SLC9C1: variants seen among roughly 807,000 people sequenced by gnomAD.
SLC9C1 encodes the protein solute carrier family 9 member C1, also known as sodium/hydrogen exchanger 10.
A neutral mutation model predicts 140.9 loss-of-function variants in SLC9C1; 97 were observed. The ratio of observed to expected loss-of-function variants is 0.69; its 90% CI spans 0.58 to 0.82. SLC9C1 has a LOEUF of 0.82. Among genes scored for constraint, SLC9C1 ranks in the 40% least tolerant of loss-of-function variants. The pLI, the probability that SLC9C1 is intolerant of heterozygous loss-of-function variation, is 0.00. For synonymous variants in SLC9C1, 440 were observed against 442.6 expected (o/e 0.99, Z 0.07); for missense variants, 1,340 against 1,389.3 (o/e 0.96, Z 0.56).
chr3:112,165,588 A>G (rs1013210031), intron 26 of SLC9C1, among the ~76,000 whole-genome samples: 1 of 152,160 alleles, frequency 6.6e-6, no homozygotes, highest in South Asian at 2.1e-4. Context: ...AACAGCGGAT[A>G]TTGGTGAACA....
chr3:112,201,775 TCTTTA>T (rs1229353580), intron 18 of SLC9C1, among the ~76,000 whole-genome samples: 1 of 152,072 alleles, frequency 6.6e-6, no homozygotes, highest in Non-Finnish European at 1.5e-5. Context: ...ATTATTGTTT[TCTTTA>T]CTTCTTTCTA....
At chr3:112,160,071 T>A (rs952969938) in intron 26 of SLC9C1, among the ~76,000 whole-genome samples, 1 of 151,898 alleles carries the variant, frequency 6.6e-6, no homozygotes, top group Non-Finnish European at 1.5e-5. Flanking sequence ...TCATTGTTAC[T>A]ACTAATAGGT....
At chr3:112,236,500 C>T (rs1395652388) in intron 12 of SLC9C1, among the ~76,000 whole-genome samples, 1 of 152,076 alleles carries the variant, frequency 6.6e-6, no homozygotes, top group Non-Finnish European at 1.5e-5. Context: ...TTATTTCTTG[C>T]CTTCTGCTAG....
intron 8 of SLC9C1, among the ~76,000 whole-genome samples, chr3:112,264,867 A>T (rs1407872702): frequency 6.6e-6 from 1 of 152,016 alleles, no homozygotes; most frequent in African/African-American, 2.4e-5. Context: ...GTGGGTGGTT[A>T]AAGAGGAGTG....
At chr3:112,183,349 C>CTTTTTTTATTTTTTTT (rs2077474776) in intron 20 of SLC9C1, among the ~76,000 whole-genome samples, 1 of 95,404 alleles carries the variant, frequency 1.0e-5, no homozygotes, top group African/African-American at 4.9e-5. Flanking sequence ...AGCACCTTTT[C>CTTTTTTTATTTTTTTT]TTTTTTTTTT....
chr3:112,264,426 TG>T, intron 8 of SLC9C1, 83 bp from the exon 9 acceptor site: 7 of 808,146 alleles, frequency 8.7e-6, no homozygotes, highest in Non-Finnish European at 1.2e-5. Context: ...TGTGAATCAT[TG>T]TGCTAATGAT....
chr3:112,208,916 G>T (rs187620969), intron 15 of SLC9C1, among the ~76,000 whole-genome samples: 231 of 152,240 alleles, frequency 1.5e-3, no homozygotes, highest in Non-Finnish European at 2.7e-3. Context: ...AGCCTAGGAT[G>T]CATGGTGGTG....
At position 112,155,583 on chromosome 3, in the gene SLC9C1, A is replaced by G. The variant is rs535370585; in HGVS notation, c.3365-534T>C. 3.3e-5 allele frequency among the ~76,000 whole-genome samples: 5 copies of G among 152,286 alleles called. No homozygotes were observed. In the East Asian group the frequency reaches 9.7e-4, roughly 29 times the overall value. ...TGGAGAAAAAGCTGAGATTTCAAGG[A>G]TAAGGAGTTAGCTCCATGAAATGAG... On this transcript the variant is annotated intron_variant, in intron 26 of 28. Transcript: ENST00000305815.
chr3:112,291,276 T>C (rs2080674338), intron 1 of SLC9C1, among the ~76,000 whole-genome samples: 1 of 152,106 alleles, frequency 6.6e-6, no homozygotes, highest in African/African-American at 2.4e-5. Flanking sequence ...AAATGGGATC[T>C]AATTAAACTA....
intron 13 of SLC9C1, among the ~76,000 whole-genome samples, chr3:112,224,366 C>G (rs1284366134): frequency 6.6e-6 from 1 of 150,938 alleles, no homozygotes; most frequent in Non-Finnish European, 1.5e-5. Context: ...GCAACTGTTT[C>G]ACAAGATCTG....
At position 112,141,158 on chromosome 3, in the gene SLC9C1, C is replaced by T; in HGVS notation, c.*114G>A. 1 of 1,122,198 alleles carries T rather than the reference C, an allele frequency of 8.9e-7. No individual in the cohort carries two copies. Among genetic ancestry groups the T allele is most frequent in the Non-Finnish European group, 1.2e-6 (1 of 833,778 alleles). The allele number at this position is 1,122,198 out of a possible 1,614,324, so 69.5% of individuals were successfully genotyped here. A position where few individuals can be genotyped will look rare whatever the true frequency, so the allele number is the denominator to read the frequency against. On this transcript the variant is annotated 3_prime_UTR_variant, in exon 29 of 29. Coordinates refer to ENST00000305815, the MANE Select transcript of SLC9C1 (RefSeq NM_183061.3). ...CTTTTCTGCTTAGCACCAAGATCAT[C>T]CACACAGGATCCAACCTGAAGTTAC...
chr3:112,163,473 C>G (rs2075368641), intron 26 of SLC9C1, among the ~76,000 whole-genome samples: 1 of 151,224 alleles, frequency 6.6e-6, no homozygotes, highest in African/African-American at 2.4e-5. Context: ...TATGTTGTCT[C>G]TTTGTTCTCG....
At chr3:112,146,319 C>A (rs907906736) in intron 28 of SLC9C1, among the ~76,000 whole-genome samples, 1 of 151,432 alleles carries the variant, frequency 6.6e-6, no homozygotes, top group African/African-American at 2.4e-5. Flanking sequence ...TTGTTCAGTT[C>A]TTTTCTGATT....
chr3:112,211,311 C>A (rs562928483), intron 15 of SLC9C1, among the ~76,000 whole-genome samples: 2 of 152,224 alleles, frequency 1.3e-5, no homozygotes, highest in African/African-American at 4.8e-5. Context: ...TTCTGCATTT[C>A]CAGCTGAGGT....
chr3:112,171,823 C>T (rs1395331559), intron 23 of SLC9C1, among the ~76,000 whole-genome samples: 2 of 152,126 alleles, frequency 1.3e-5, no homozygotes, highest in Non-Finnish European at 2.9e-5. Flanking sequence ...ATTGCTTCTG[C>T]ATGGATATTC....
chr3:112,194,557 A>G (rs1396325795), intron 20 of SLC9C1, among the ~76,000 whole-genome samples: 1 of 152,150 alleles, frequency 6.6e-6, no homozygotes, highest in Non-Finnish European at 1.5e-5. Context: ...TGGCTTCTAC[A>G]TTTTAGTTAT....
At chr3:112,252,391 G>T (rs539885899) in intron 10 of SLC9C1, among the ~76,000 whole-genome samples, 26 of 152,306 alleles carry the variant, frequency 1.7e-4, no homozygotes, top group African/African-American at 6.0e-4. Context: ...CTGGGATGGG[G>T]CTACCAGAGG....
chr3:112,217,522 G>T lies in SLC9C1; in HGVS notation c.1710C>A (p.Ser570Arg), dbSNP rs1275511505. ...SLDTIKNYSESQKTVTFARKL... is the reference protein window; with the variant it reads ...SLDTIKNYSERQKTVTFARKL... The stretch of plus-strand genomic sequence containing the variant: ...TTCTAGCAAAGGTAACTGTTTTTTG[G>T]CTTTCAGAATAATTCTTTATTGTAT... Residue 570 changes from serine (S) to arginine (R), a missense_variant, in exon 15 of 29, where the codon AGC becomes AGA. Transcript: ENST00000305815. The T allele has an allele frequency of 1.2e-6, 2 of 1,607,926 alleles. No homozygotes were observed. The highest frequency in any genetic ancestry group is 1.7e-6 in the Non-Finnish European group (2 of 1,177,616).
At chr3:112,236,605 T>C (rs2078993740) in intron 12 of SLC9C1, among the ~76,000 whole-genome samples, 1 of 152,218 alleles carries the variant, frequency 6.6e-6, no homozygotes, top group Non-Finnish European at 1.5e-5. Flanking sequence ...TGTGGGCATT[T>C]AGTGCCATAA....
Sources: allele counts gnomAD v4.1 joint callset (sites outside exome capture counted in the v4.1 genomes callset), GRCh38; gene constraint gnomAD v4.1.1; transcripts MANE v1.5; gene names NCBI Gene and HGNC (gene_info 2026-07-23, HGNC 2026-07-21).